Variants in AFDN observed in about 807,000 individuals in gnomAD.
AFDN encodes the protein afadin, adherens junction formation factor, also known as afadin.
A neutral mutation model predicts 216.6 loss-of-function variants in AFDN; 68 were observed. The ratio of observed to expected loss-of-function variants is 0.31; its 90% CI spans 0.26 to 0.38. AFDN has a LOEUF of 0.38. Among genes scored for constraint, AFDN ranks in the 10% least tolerant of loss-of-function variants. The probability of loss-of-function intolerance (pLI) is 1.00; values close to 1 mark genes in which losing one functional copy is unlikely to be tolerated. For missense variants in AFDN, 2,136 were observed against 2,342.0 expected (o/e 0.91, Z 1.82); for synonymous variants, 868 against 853.7 (o/e 1.02, Z -0.29).
intron 23 of AFDN, among the ~76,000 whole-genome samples, chr6:167,942,416 G>C (rs2128625394): frequency 6.6e-6 from 1 of 152,290 alleles, no homozygotes; most frequent in South Asian, 2.1e-4. Context: ...ATCTAAGTAA[G>C]ATTTCATGCG....
At position 167,911,421 on chromosome 6, in the gene AFDN, A is replaced by G. The variant is rs1790376870; in HGVS notation, c.1969A>G (p.Thr657Ala). The part of the protein sequence containing the change: ...SNQYRPDISP[T>A]ERTHKVIAVV... ...CCAGTACAGACCTGACATCAGCCCT[A>G]CAGAGCGCACACATAAAGTCATTGC... Residue 657 changes from threonine (T) to alanine (A), a missense_variant, in exon 15 of 34, where the codon ACA becomes GCA. By Grantham distance (58) the Thr-to-Ala change is moderately conservative. Coordinates refer to ENST00000683244, the MANE Select transcript of AFDN (RefSeq NM_001386888.1). 3 of 1,614,026 alleles carry G rather than the reference A, an allele frequency of 1.9e-6. No homozygotes were observed. The highest frequency in any genetic ancestry group is 2.5e-6 in the Non-Finnish European group (3 of 1,180,028).
intron 1 of AFDN, among the ~76,000 whole-genome samples, chr6:167,856,881 G>A (rs899450952): frequency 3.9e-5 from 6 of 151,986 alleles, no homozygotes; most frequent in African/African-American, 1.4e-4. Context: ...TGCATAAAAA[G>A]GACTATTTTT....
intron 23 of AFDN, among the ~76,000 whole-genome samples, chr6:167,930,910 A>G (rs1793202217): frequency 6.6e-6 from 1 of 152,228 alleles, no homozygotes; most frequent in South Asian, 2.1e-4. Context: ...ACTCTGGAAC[A>G]TGGATTAGAG....
intron 23 of AFDN, among the ~76,000 whole-genome samples, chr6:167,934,704 C>CTT (rs968387068): frequency 6.7e-6 from 1 of 148,790 alleles, no homozygotes; most frequent in Non-Finnish European, 1.5e-5. Flanking sequence ...TCCTCCTGCT[C>CTT]TTTTTTTTTT....
intron 5 of AFDN, among the ~76,000 whole-genome samples, chr6:167,878,576 A>G (rs1177784289): frequency 6.9e-6 from 1 of 144,204 alleles, no homozygotes; most frequent in Non-Finnish European, 1.5e-5. Flanking sequence ...GCACGCACGC[A>G]CACACACCCA....
chr6:167,838,356 G>A (rs1780683598), intron 1 of AFDN, among the ~76,000 whole-genome samples: 1 of 151,856 alleles, frequency 6.6e-6, no homozygotes, highest in Admixed American at 6.6e-5. Flanking sequence ...CTCTTACTGG[G>A]CTTCCTCTTG....
At chr6:167,934,323 G>A (rs1793710088) in intron 23 of AFDN, among the ~76,000 whole-genome samples, 1 of 152,166 alleles carries the variant, frequency 6.6e-6, no homozygotes, top group African/African-American at 2.4e-5. Context: ...CACCAAACCT[G>A]CTGGGGGTAA....
In AFDN at chr6:167,948,286, T is replaced by A; in HGVS notation, c.3646-7T>A. 1 of 1,593,238 alleles carries A rather than the reference T, an allele frequency of 6.3e-7. No homozygotes were observed. Among genetic ancestry groups the A allele is most frequent in the Non-Finnish European group, 8.5e-7 (1 of 1,171,622 alleles). On this transcript the variant is annotated splice_region_variant and splice_polypyrimidine_tract_variant and intron_variant, in intron 28 of 33. Transcript: ENST00000683244. ...AGCTCACTTTTTTTGTTCTTCACAT[T>A]TTACAGGAGCAGACGCCTCCGCCTA...
intron 1 of AFDN, among the ~76,000 whole-genome samples, chr6:167,850,356 C>T (rs1185581840): frequency 6.6e-6 from 1 of 152,016 alleles, no homozygotes; most frequent in Non-Finnish European, 1.5e-5. Flanking sequence ...GTGTTTGTTT[C>T]CTAATGCAGT....
At position 167,898,811 on chromosome 6, in the gene AFDN, A is replaced by T. The variant is rs1035789081; in HGVS notation, c.1580+344A>T. ...CTAAGATTATAAAATTTTTTGAAGT[A>T]TTCTTTTCTGTGACTGATAATGAAA... On this transcript the variant is annotated intron_variant, in intron 11 of 33. Coordinates refer to ENST00000683244, the MANE Select transcript of AFDN (RefSeq NM_001386888.1). Among the ~76,000 whole-genome samples, 26 of 152,200 alleles carry T rather than the reference A, an allele frequency of 1.7e-4. 1 individual carries two copies. Among genetic ancestry groups the T allele is most frequent in the Admixed American group, 1.5e-3 (23 of 15,278 alleles).
chr6:167,864,788 C>G (rs752278034), intron 2 of AFDN, 42 bp downstream of exon 2: 2 of 1,583,854 alleles, frequency 1.3e-6, no homozygotes, highest in African/African-American at 1.3e-5. Flanking sequence ...CATGACCTGA[C>G]CTGTGAAGAG....
At chr6:167,894,490 AT>A (rs1787993465) in intron 9 of AFDN, among the ~76,000 whole-genome samples, 1 of 152,172 alleles carries the variant, frequency 6.6e-6, no homozygotes, top group Non-Finnish European at 1.5e-5. Context: ...TCCCTGTGAG[AT>A]AACTGTCCTT....
chr6:167,924,865 T>TC (rs2128513982), intron 22 of AFDN, 140 bp from the exon 23 acceptor site: 1 of 745,364 alleles, frequency 1.3e-6, no homozygotes, highest in East Asian at 2.5e-5. Context: ...TAATTGAAAT[T>TC]TTTTTTACTG....
chr6:167,832,479 A>G (rs1779936116), intron 1 of AFDN, among the ~76,000 whole-genome samples: 1 of 152,210 alleles, frequency 6.6e-6, no homozygotes, highest in South Asian at 2.1e-4. Context: ...ATTTTATTCT[A>G]GCAACCATAA....
At chr6:167,832,332 G>A (rs555580176) in intron 1 of AFDN, among the ~76,000 whole-genome samples, 2 of 152,274 alleles carry the variant, frequency 1.3e-5, no homozygotes, top group South Asian at 4.2e-4. Flanking sequence ...GCAGGAGTGT[G>A]CGTGTTCTAA....
intron 1 of AFDN, among the ~76,000 whole-genome samples, chr6:167,858,133 C>T (rs552863314): frequency 8.2e-4 from 125 of 152,216 alleles, no homozygotes; most frequent in Admixed American, 1.6e-3. Flanking sequence ...ATCCCCTTTC[C>T]ATAATGCTGA....
chr6:167,832,876 A>C (rs533502448), intron 1 of AFDN, among the ~76,000 whole-genome samples: 1 of 152,234 alleles, frequency 6.6e-6, no homozygotes, highest in African/African-American at 2.4e-5. Flanking sequence ...CTGAATATAC[A>C]CAACTTGCTT....
At chr6:167,907,343 AG>A in intron 13 of AFDN, 54 bp downstream of exon 13, 1 of 1,385,244 alleles carries the variant, frequency 7.2e-7, no homozygotes, top group East Asian at 2.3e-5. Context: ...TTCCTAAAAA[AG>A]GGTTGGGATA....
rs149251681 is a variant in AFDN, at chr6:167,828,234, A to G, written c.105+997A>G. Among the ~76,000 whole-genome samples, 14 of 152,382 alleles carry G rather than the reference A, an allele frequency of 9.2e-5. No individual in the cohort carries two copies. In the East Asian group the frequency reaches 2.5e-3, roughly 27 times the overall value. ...AGGTAATTTATAGTTAATACTTGCTATAAAATACTAGCTCCTAGGCAACAA... is the reference window on the plus strand; with the variant it reads ...AGGTAATTTATAGTTAATACTTGCTGTAAAATACTAGCTCCTAGGCAACAA... On this transcript the variant is annotated intron_variant, in intron 1 of 33. Transcript: ENST00000683244.
Sources: gnomAD v4.1 joint callset for allele counts (sites outside exome capture counted in the v4.1 genomes callset) on GRCh38, gnomAD v4.1.1 for gene constraint, MANE v1.5 for transcripts, NCBI Gene and HGNC (gene_info 2026-07-23, HGNC 2026-07-21) for gene names.